Variants in ZSCAN16 observed in about 807,000 individuals in gnomAD.
ZSCAN16 encodes the protein zinc finger and SCAN domain containing 16.
A neutral mutation model predicts 19.4 loss-of-function variants in ZSCAN16; 15 were observed. That is an observed-to-expected ratio of 0.77 (90% CI 0.52 to 1.19). The LOEUF (loss-of-function observed/expected upper bound fraction) is 1.19, where lower values mean the gene tolerates loss of function less well. Among genes scored for constraint, ZSCAN16 ranks in the 50% most tolerant of loss-of-function variants. The pLI, the probability that ZSCAN16 is intolerant of heterozygous loss-of-function variation, is 0.00. For synonymous variants in ZSCAN16, 138 were observed against 146.5 expected, an observed-to-expected ratio of 0.94 and a Z score of 0.42; for missense variants, 327 against 415.7, an observed-to-expected ratio of 0.79 and a Z score of 1.86.
Position 28,125,529 on chromosome 6 carries a change from CA to C in ZSCAN16, c.87del (p.Gln30LysfsTer41), listed in dbSNP as rs1221746156. The C allele has an allele frequency of 6.2e-7, 1 of 1,614,068 alleles. No individual in the cohort carries two copies. The highest frequency in any genetic ancestry group is 8.5e-7 in the Non-Finnish European group (1 of 1,180,034). ...EDHYWGQDSS[S>X]QKCSPHRREL... ...CATTACTGGGGACAGGATTCCAGCT[CA>C]CAAAAGTGCAGTCCTCACAGGAGGG... is the stretch of plus-strand genomic sequence containing the variant. On this transcript the variant is annotated frameshift_variant, in exon 2 of 4. Coordinates refer to ENST00000340487, the MANE Select transcript of ZSCAN16 (RefSeq NM_025231.3). LOFTEE classifies it high-confidence loss of function. This position sits in a 1 kb window ranked among gnomAD's most constrained non-coding sequence, Gnocchi z 6.2.
Position 28,126,857 on chromosome 6 carries a change from G to A in ZSCAN16, c.462G>A (p.Leu154=), listed in dbSNP as rs202080145. The A allele has an allele frequency of 2.3e-5, 37 of 1,592,338 alleles. No individual in the cohort carries two copies. Among genetic ancestry groups the A allele is most frequent in the Non-Finnish European group, 3.1e-5 (36 of 1,165,752 alleles). ...CCTTGGGAAGGCCATATGAATCACT[G>A]ACTGTCCAGCTCCATCCCAAAAAGA... ...LAPLGRPYES[L]TVQLHPKKTQ... Residue 154 remains leucine (L), a synonymous_variant, in exon 3 of 4, where the codon CTG becomes CTA. Transcript: ENST00000340487.
In ZSCAN16 at chr6:28,126,839, A is replaced by G. The variant is rs1183643592; in HGVS notation, c.444A>G (p.Gly148=). 1.3e-6 allele frequency: 2 copies of G among 1,588,836 alleles called. No individual in the cohort carries two copies. The highest frequency in any genetic ancestry group is 1.3e-5 in the African/African-American group (1 of 74,364). The stretch of plus-strand genomic sequence containing the variant: ...TCATGGACAAGTTGGCCCCCTTGGG[A>G]AGGCCATATGAATCACTGACTGTCC... ...DILMDKLAPL[G]RPYESLTVQL... Residue 148 remains glycine (G), a synonymous_variant, in exon 3 of 4, where the codon GGA becomes GGG. Transcript: ENST00000340487.
Position 28,129,901 on chromosome 6 carries a change from C to T in ZSCAN16, c.998C>T (p.Ser333Leu). ...DECGRPFRVSSALIRHQRIHT... is the reference protein window; with the variant it reads ...DECGRPFRVSLALIRHQRIHT... ...TGTGGAAGGCCTTTCCGAGTAAGTTCAGCTCTTATTAGACATCAAAGAATT... is the reference window on the plus strand; with the variant it reads ...TGTGGAAGGCCTTTCCGAGTAAGTTTAGCTCTTATTAGACATCAAAGAATT... The change falls in exon 4 of 4, where the codon TCA becomes TTA. Residue 333 changes from serine (S) to leucine (L), a missense_variant. Physicochemically the swap from Ser to Leu is moderately radical, Grantham distance 145 (BLOSUM62 -2). Transcript: ENST00000340487. The T allele has an allele frequency of 6.2e-7, 1 of 1,609,702 alleles. No individual in the cohort carries two copies.
rs1765008921 is a variant in ZSCAN16, at chr6:28,129,796, G to A, written c.893G>A (p.Gly298Glu). Reference protein sequence around the residue: ...GVKPYKCKECGKDFSGRTGLI... With the variant: ...GVKPYKCKECEKDFSGRTGLI... Reference sequence around the variant, plus strand: ...AAACCCTATAAATGTAAAGAATGTGGGAAAGACTTCAGTGGGCGCACAGGT... The same window carrying A: ...AAACCCTATAAATGTAAAGAATGTGAGAAAGACTTCAGTGGGCGCACAGGT... Residue 298 changes from glycine (G) to glutamate (E), a missense_variant, in exon 4 of 4, where the codon GGG (glycine) becomes GAG (glutamate). By Grantham distance (98) the Gly-to-Glu change is moderately conservative. Coordinates refer to ENST00000340487, the MANE Select transcript of ZSCAN16 (RefSeq NM_025231.3). 1 of 1,614,158 alleles carries A rather than the reference G, an allele frequency of 6.2e-7. No homozygotes were observed. The highest frequency in any genetic ancestry group is 1.1e-5 in the South Asian group (1 of 91,082).
chr6:28,126,997 C>T, intron 3 of ZSCAN16, 76 bp downstream of exon 3: 1 of 1,275,870 alleles, frequency 7.8e-7, no homozygotes, highest in African/African-American at 1.5e-5. Flanking sequence ...TCACTTTCAT[C>T]TTCTCCTTTT....
Position 28,125,526 on chromosome 6 carries a change from G to C in ZSCAN16, c.83G>C (p.Ser28Thr). 1 of 1,614,190 alleles carries C rather than the reference G, an allele frequency of 6.2e-7. No homozygotes were observed. The highest frequency in any genetic ancestry group is 8.5e-7 in the Non-Finnish European group (1 of 1,180,040). The change falls in exon 2 of 4, where the codon AGC (serine) becomes ACC (threonine). Residue 28 changes from serine (S) to threonine (T), a missense_variant. By Grantham distance (58) the Ser-to-Thr change is moderately conservative. Transcript: ENST00000340487. The surrounding 1 kb of genome is among the most constrained non-coding windows in gnomAD (Gnocchi z 6.2). ...GACCATTACTGGGGACAGGATTCCA[G>C]CTCACAAAAGTGCAGTCCTCACAGG... ...AEDHYWGQDS[S>T]SQKCSPHRRE...
Position 28,125,630 on chromosome 6 carries a change from T to C in ZSCAN16, c.187T>C (p.Trp63Arg). 2 of 1,614,234 alleles carry C rather than the reference T, an allele frequency of 1.2e-6. No homozygotes were observed. The highest frequency in any genetic ancestry group is 1.3e-5 in the African/African-American group (1 of 75,058). The change falls in exon 2 of 4, where the codon TGG (tryptophan) becomes CGG (arginine). Residue 63 changes from tryptophan to arginine, a missense_variant. Coordinates refer to ENST00000340487, the MANE Select transcript of ZSCAN16 (RefSeq NM_025231.3). The surrounding 1 kb of genome is among the most constrained non-coding windows in gnomAD (Gnocchi z 6.2). ...ACCCCGTGAAGCTCTTACCCAGCTG[T>C]GGGAGCTCTGCCGTCAGTGGCTGAG... is the stretch of plus-strand genomic sequence containing the variant. ...PGPREALTQL[W>R]ELCRQWLRPE...
At position 28,125,837 on chromosome 6, in the gene ZSCAN16, AG is replaced by A. The variant is rs1172818213; in HGVS notation, c.387+11del. ...TGATGAACCTGGAAAGCAGGTGTGA[AG>A]GGGCAGTCATCTGGCTGTGAGTGAT... On this transcript the variant is annotated splice_region_variant and intron_variant, in intron 2 of 3. Transcript: ENST00000340487. This position sits in a 1 kb window ranked among gnomAD's most constrained non-coding sequence, Gnocchi z 6.2. The A allele has an allele frequency of 5.7e-6, 9 of 1,585,150 alleles. No individual in the cohort carries two copies. The highest frequency in any genetic ancestry group is 7.7e-6 in the Non-Finnish European group (9 of 1,164,588).
chr6:28,127,623 T>C (rs1037504066), intron 3 of ZSCAN16, among the ~76,000 whole-genome samples: 3 of 152,186 alleles, frequency 2.0e-5, no homozygotes, highest in African/African-American at 4.8e-5. Flanking sequence ...CACATTCCCA[T>C]GATGAAAGAA....
intron 2 of ZSCAN16, among the ~76,000 whole-genome samples, chr6:28,126,085 G>A (rs990031373): frequency 6.6e-6 from 1 of 152,026 alleles, no homozygotes; most frequent in Non-Finnish European, 1.5e-5. Flanking sequence ...CAGAGGAAAA[G>A]AAATAATTTT....
Position 28,125,461 on chromosome 6 carries a change from A to AC in ZSCAN16, c.20dup (p.Glu8Ter), listed in dbSNP as rs758808040. On this transcript the variant is annotated frameshift_variant, in exon 2 of 4. Coordinates refer to ENST00000340487, the MANE Select transcript of ZSCAN16 (RefSeq NM_025231.3). LOFTEE classifies it high-confidence loss of function. This position sits in a 1 kb window ranked among gnomAD's most constrained non-coding sequence, Gnocchi z 6.2. Reference sequence around the variant, plus strand: ...AGCCCAGAATGACCACAGCCCTGGAACCTGAGGACCAAAAAGGACTTCTGA... The same window carrying AC: ...AGCCCAGAATGACCACAGCCCTGGAACCCTGAGGACCAAAAAGGACTTCTGA... 7.4e-6 allele frequency: 12 copies of AC among 1,613,578 alleles called. No individual in the cohort carries two copies. In the South Asian group the frequency reaches 1.3e-4, roughly 18 times the overall value.
At position 28,125,205 on chromosome 6, in the gene ZSCAN16, G is replaced by A. The variant is rs951797666; in HGVS notation, c.-31-208G>A. ...GAGCACAGATTCAAATCATATCCCT[G>A]CGTCACTGTTTTTTGTTTTGTTTTG... is the stretch of plus-strand genomic sequence containing the variant. On this transcript the variant is annotated intron_variant, in intron 1 of 3. Transcript: ENST00000340487. This position sits in a 1 kb window ranked among gnomAD's most constrained non-coding sequence, Gnocchi z 6.2. 6.8e-6 allele frequency among the ~76,000 whole-genome samples: 1 copy of A among 147,086 alleles called. No homozygotes were observed. The highest frequency in any genetic ancestry group is 2.7e-5 in the African/African-American group (1 of 37,672).
rs760460020 is a variant in ZSCAN16, at chr6:28,129,874, AG to A, written c.972del (p.Glu324AspfsTer8). 1 of 1,613,844 alleles carries A rather than the reference AG, an allele frequency of 6.2e-7. No individual in the cohort carries two copies. Among genetic ancestry groups the A allele is most frequent in the East Asian group, 2.2e-5 (1 of 44,882 alleles). ...GGTGAAAAACCCTATGAATGTGATG[AG>A]TGTGGAAGGCCTTTCCGAGTAAGTT... ...HTGEKPYECD[E>X]CGRPFRVSSA... On this transcript the variant is annotated frameshift_variant, in exon 4 of 4. Coordinates refer to ENST00000340487, the MANE Select transcript of ZSCAN16 (RefSeq NM_025231.3). LOFTEE classifies it low-confidence loss of function (END_TRUNC).
intron 3 of ZSCAN16, 109 bp downstream of exon 3, chr6:28,127,030 AC>A (rs1457974597): frequency 9.8e-7 from 1 of 1,019,130 alleles, no homozygotes; most frequent in African/African-American, 1.7e-5. Context: ...CTTGTCCTCC[AC>A]CTCACTATGG....
At position 28,124,626 on chromosome 6, in the gene ZSCAN16, G is replaced by C. The variant is rs1247272519; in HGVS notation, c.-83G>C. The C allele has an allele frequency of 6.6e-6, 1 of 152,194 alleles. No homozygotes were observed. Among genetic ancestry groups the C allele is most frequent in the African/African-American group, 2.4e-5 (1 of 41,442 alleles). 9.4% of individuals were successfully genotyped at this position (152,194 alleles called of 1,614,324 possible). A position where few individuals can be genotyped will look rare whatever the true frequency, so the allele number is the denominator to read the frequency against. On this transcript the variant is annotated 5_prime_UTR_variant, in exon 1 of 4. Transcript: ENST00000340487. ...GTGTCTTTGAGTCTAGTCTTTGTTC[G>C]GGGCTGTCCAAAGGACGCTAGCTGT...
chr6:28,126,228 T>C (rs1247864049), intron 2 of ZSCAN16, among the ~76,000 whole-genome samples: 1 of 152,092 alleles, frequency 6.6e-6, no homozygotes, highest in Non-Finnish European at 1.5e-5. Context: ...AGAAATATAA[T>C]GCAAGCTGTA....
At chr6:28,128,105 G>A (rs1020209786) in intron 3 of ZSCAN16, among the ~76,000 whole-genome samples, 2 of 152,122 alleles carry the variant, frequency 1.3e-5, no homozygotes, top group African/African-American at 4.8e-5. Flanking sequence ...GGCTTTAGAA[G>A]TGACGTTAAG....
chr6:28,125,392 T>C lies in ZSCAN16; in HGVS notation c.-31-21T>C. ...GTCTCTGAGGCAGGATTCTAAGAGATTCTCTTTGACTCAATCCCAGATAGA... is the reference window on the plus strand; with the variant it reads ...GTCTCTGAGGCAGGATTCTAAGAGACTCTCTTTGACTCAATCCCAGATAGA... On this transcript the variant is annotated intron_variant, in intron 1 of 3. Transcript: ENST00000340487. This position sits in a 1 kb window ranked among gnomAD's most constrained non-coding sequence, Gnocchi z 6.2. The C allele has an allele frequency of 6.4e-7, 1 of 1,556,908 alleles. No individual in the cohort carries two copies. Among genetic ancestry groups the C allele is most frequent in the East Asian group, 2.2e-5 (1 of 44,552 alleles).
Position 28,126,851 on chromosome 6 carries a change from A to G in ZSCAN16, c.456A>G (p.Glu152=). 6.3e-7 allele frequency: 1 copy of G among 1,592,626 alleles called. No individual in the cohort carries two copies. The highest frequency in any genetic ancestry group is 8.6e-7 in the Non-Finnish European group (1 of 1,165,974). ...DKLAPLGRPY[E]SLTVQLHPKK... ...TGGCCCCCTTGGGAAGGCCATATGA[A>G]TCACTGACTGTCCAGCTCCATCCCA... Residue 152 remains glutamate (E), a synonymous_variant, in exon 3 of 4, where the codon GAA becomes GAG. Coordinates refer to ENST00000340487, the MANE Select transcript of ZSCAN16 (RefSeq NM_025231.3).
Sources: allele counts gnomAD v4.1 joint callset (sites outside exome capture counted in the v4.1 genomes callset), GRCh38; gene constraint gnomAD v4.1.1; non-coding constraint Gnocchi (gnomAD v3.1); transcripts MANE v1.5; gene names NCBI Gene and HGNC (gene_info 2026-07-23, HGNC 2026-07-21).